The following PRKCE variants were observed in gnomAD, a reference collection of about 807,000 sequenced individuals.
PRKCE encodes the protein protein kinase C epsilon.
PRKCE carries 16 observed loss-of-function variants against 85.4 expected under a neutral mutation model. The observed-to-expected ratio is 0.19, with a 90% confidence interval of 0.13 to 0.28. The LOEUF (loss-of-function observed/expected upper bound fraction) is 0.28, where lower values mean the gene tolerates loss of function less well. Among genes scored for constraint, PRKCE ranks in the 10% least tolerant of loss-of-function variants. The pLI is 1.00. For synonymous variants in PRKCE, 388 were observed against 371.5 expected, an observed-to-expected ratio of 1.04 and a Z score of -0.51; for missense variants, 573 against 975.2, an observed-to-expected ratio of 0.59 and a Z score of 5.49.
chr2:45,999,576 G>A (rs974777431), intron 6 of PRKCE, among the ~76,000 whole-genome samples: 1 of 151,534 alleles, frequency 6.6e-6, no homozygotes, highest in African/African-American at 2.4e-5. Flanking sequence ...TTGTTTGTTT[G>A]TTTCTTTTTG....
At chr2:45,802,150 G>A (rs1401801102) in intron 1 of PRKCE, among the ~76,000 whole-genome samples, 1 of 151,394 alleles carries the variant, frequency 6.6e-6, no homozygotes, top group Non-Finnish European at 1.5e-5. Flanking sequence ...CATGCCTGTA[G>A]TCTCAGCTGC....
At chr2:45,791,362 C>T (rs1255075723) in intron 1 of PRKCE, among the ~76,000 whole-genome samples, 2 of 152,172 alleles carry the variant, frequency 1.3e-5, no homozygotes, top group Non-Finnish European at 2.9e-5. Flanking sequence ...ATAGTGAGCA[C>T]GTGGGGGTCC....
chr2:46,092,196 T>C (rs979508554), intron 11 of PRKCE, among the ~76,000 whole-genome samples: 2 of 152,244 alleles, frequency 1.3e-5, no homozygotes, highest in Non-Finnish European at 2.9e-5. Flanking sequence ...ATAGAGGATA[T>C]GAAAGCCAGT....
At chr2:45,711,538 G>A (rs973964735) in intron 1 of PRKCE, among the ~76,000 whole-genome samples, 1 of 152,212 alleles carries the variant, frequency 6.6e-6, no homozygotes. Context: ...AGCGTGCCTG[G>A]TGCCTAGCAA....
chr2:45,941,824 T>C (rs1699898393), intron 2 of PRKCE, among the ~76,000 whole-genome samples: 1 of 152,104 alleles, frequency 6.6e-6, no homozygotes, highest in South Asian at 2.1e-4. Flanking sequence ...CTTCCCTGGC[T>C]AGTTCTGTCT....
At chr2:45,900,201 A>G (rs1412241230) in intron 2 of PRKCE, among the ~76,000 whole-genome samples, 1 of 152,230 alleles carries the variant, frequency 6.6e-6, no homozygotes, top group Non-Finnish European at 1.5e-5. Flanking sequence ...CCTGTGGAAA[A>G]CGGCATGACA....
intron 1 of PRKCE, among the ~76,000 whole-genome samples, chr2:45,737,584 T>C (rs1456269764): frequency 1.3e-5 from 2 of 152,070 alleles, no homozygotes; most frequent in Non-Finnish European, 2.9e-5. Context: ...AGGTGTATCC[T>C]CTCGCCTGTG....
intron 2 of PRKCE, among the ~76,000 whole-genome samples, chr2:45,970,865 A>G (rs909534207): frequency 6.7e-6 from 1 of 149,678 alleles, no homozygotes; most frequent in Admixed American, 6.7e-5. Context: ...CATATTATAT[A>G]TACTATACTA....
intron 1 of PRKCE, among the ~76,000 whole-genome samples, chr2:45,754,980 G>A (rs894966888): frequency 1.3e-5 from 2 of 152,226 alleles, no homozygotes; most frequent in African/African-American, 2.4e-5. Flanking sequence ...AGGTTGGGGA[G>A]CAGCAAGACT....
At chr2:45,660,193 T>C (rs1675574380) in intron 1 of PRKCE, among the ~76,000 whole-genome samples, 2 of 152,214 alleles carry the variant, frequency 1.3e-5, no homozygotes, top group Admixed American at 6.5e-5. Context: ...CTGAGGAGCA[T>C]GGCATCTCGA....
chr2:46,012,617 C>A (rs1481071119), intron 10 of PRKCE, among the ~76,000 whole-genome samples: 3 of 152,140 alleles, frequency 2.0e-5, no homozygotes, highest in Non-Finnish European at 4.4e-5. Context: ...TTCTTTACAC[C>A]ATTATCAAGA....
chr2:46,174,991 G>A (rs61637324), intron 14 of PRKCE, among the ~76,000 whole-genome samples: 101 of 152,056 alleles, frequency 6.6e-4, no homozygotes, highest in East Asian at 6.4e-3. Flanking sequence ...ACGCCCAGCC[G>A]AGATCTGGTG....
At chr2:45,699,178 G>A (rs558253337) in intron 1 of PRKCE, among the ~76,000 whole-genome samples, 2 of 151,960 alleles carry the variant, frequency 1.3e-5, no homozygotes, top group African/African-American at 4.8e-5. Flanking sequence ...CCTGTCTGCT[G>A]TTCGTCCTTA....
intron 10 of PRKCE, among the ~76,000 whole-genome samples, chr2:46,016,315 A>G (rs1431081257): frequency 6.6e-6 from 1 of 152,166 alleles, no homozygotes; most frequent in Non-Finnish European, 1.5e-5. Context: ...GCACGGGTGT[A>G]TGTGTGTGGT....
chr2:45,784,258 G>A (rs575510285), intron 1 of PRKCE, among the ~76,000 whole-genome samples: 2 of 152,378 alleles, frequency 1.3e-5, no homozygotes, highest in South Asian at 4.1e-4. Context: ...TGGAATTGGA[G>A]GCAGTGAGAA....
chr2:45,812,766 C>T (rs893403608), intron 1 of PRKCE, among the ~76,000 whole-genome samples: 4 of 152,174 alleles, frequency 2.6e-5, no homozygotes, highest in African/African-American at 9.7e-5. Context: ...GATCCCATAG[C>T]AGTAGTGGTG....
At chr2:46,048,869 T>A (rs1423018106) in intron 10 of PRKCE, among the ~76,000 whole-genome samples, 1 of 152,116 alleles carries the variant, frequency 6.6e-6, no homozygotes, top group East Asian at 1.9e-4. Context: ...CCTTTCTCCT[T>A]CCCAGACAGA....
chr2:45,716,424 C>T (rs10175151), intron 1 of PRKCE, among the ~76,000 whole-genome samples: 17,851 of 151,738 alleles, frequency 0.12, 1,131 homozygotes, highest in East Asian at 0.16. Flanking sequence ...GGCTGAGGCA[C>T]GAGAATCACT....
intron 1 of PRKCE, among the ~76,000 whole-genome samples, chr2:45,703,578 A>G (rs891863319): frequency 6.6e-6 from 1 of 151,888 alleles, no homozygotes; most frequent in South Asian, 2.1e-4. Flanking sequence ...AAAAAAAAGG[A>G]AGCTCATTGA....
Sources: gnomAD v4.1 joint callset for allele counts (sites outside exome capture counted in the v4.1 genomes callset) on GRCh38, gnomAD v4.1.1 for gene constraint, MANE v1.5 for transcripts, NCBI Gene and HGNC (gene_info 2026-07-23, HGNC 2026-07-21) for gene names.